PLCH2: variants seen among roughly 807,000 people sequenced by gnomAD.
PLCH2 encodes 1-phosphatidylinositol 4,5-bisphosphate phosphodiesterase eta-2.
In PLCH2, 98 loss-of-function variants were observed where a neutral mutation model predicts 134.7. The observed-to-expected ratio is 0.73, with a 90% CI of 0.62 to 0.86. The LOEUF (loss-of-function observed/expected upper bound fraction) is 0.86. PLCH2 is among the 40% of genes least tolerant of loss of function. PLCH2 has a pLI of 0.00. For synonymous variants in PLCH2, 974 were observed against 827.5 expected (o/e 1.18, Z -3.04); for missense variants, 1,994 against 1,986.6 (o/e 1.00, Z -0.07).
intron 12 of PLCH2, 29 bp downstream of exon 12, chr1:2,494,977 C>CT: frequency 6.8e-7 from 1 of 1,481,150 alleles, no homozygotes; most frequent in Non-Finnish European, 9.2e-7. Flanking sequence ...GCCAGGGTCC[C>CT]GGTCTGGGCC....
intron 2 of PLCH2, among the ~76,000 whole-genome samples, chr1:2,432,755 C>T (rs1009051216): frequency 1.3e-5 from 2 of 152,186 alleles, no homozygotes; most frequent in Admixed American, 6.5e-5. Flanking sequence ...GGTCAGAGCC[C>T]GCCGTGCAGG....
intron 2 of PLCH2, among the ~76,000 whole-genome samples, chr1:2,460,025 G>A (rs1286257724): frequency 6.6e-6 from 1 of 152,238 alleles, no homozygotes; most frequent in African/African-American, 2.4e-5. Flanking sequence ...CCTGGGCCAA[G>A]CGCTCTTCTG....
chr1:2,434,155 C>T (rs992000730), intron 2 of PLCH2, among the ~76,000 whole-genome samples: 1 of 152,252 alleles, frequency 6.6e-6, no homozygotes, highest in Non-Finnish European at 1.5e-5. Flanking sequence ...GAGGCTCCCA[C>T]CTTCAGCTTC....
chr1:2,436,322 CTCCTCCCTTCCTCCCTCCACCTT>C (rs1425907906), intron 2 of PLCH2, among the ~76,000 whole-genome samples: 4,311 of 22,174 alleles, frequency 0.19, 1,706 homozygotes, highest in East Asian at 0.37. Context: ...CCCTTCCTCC[CTCCTCCCTTCCTCCCTCCACCTT>C]TCCTCCCTTC....
In PLCH2 at chr1:2,478,491, G is replaced by A; in HGVS notation, c.140G>A (p.Gly47Asp). The change falls in exon 2 of 22, where the codon GGT (glycine) becomes GAT (aspartate). Residue 47 changes from glycine to aspartate, a missense_variant. Physicochemically the swap from Gly to Asp is moderately conservative, Grantham distance 94. Around this residue, in one of 2 missense-constraint regions of PLCH2, gnomAD observed 1,094 missense variants for 1,234.3 expected, o/e 0.89. Coordinates refer to ENST00000378486, the MANE Select transcript of PLCH2 (RefSeq NM_014638.4). Reference sequence around the variant, plus strand: ...CCGTGTCCAGTGGAGCGGTGCATGGGTGCCATGCAAGAGGGGATGCAGATG... The same window carrying A: ...CCGTGTCCAGTGGAGCGGTGCATGGATGCCATGCAAGAGGGGATGCAGATG... The part of the protein sequence containing the change: ...QLGPLVERCM[G>D]AMQEGMQMVK... The A allele has an allele frequency of 1.2e-6, 2 of 1,612,632 alleles. No homozygotes were observed. Among genetic ancestry groups the A allele is most frequent in the Non-Finnish European group, 8.5e-7 (1 of 1,179,628 alleles).
chr1:2,449,471 G>T (rs369681319), intron 2 of PLCH2, among the ~76,000 whole-genome samples: 4 of 151,774 alleles, frequency 2.6e-5, no homozygotes, highest in Non-Finnish European at 5.9e-5. Context: ...CTCCAGCCTG[G>T]GTGACATAGT....
At chr1:2,494,510 T>C in intron 11 of PLCH2, 3 of 398,280 alleles carry the variant, frequency 7.5e-6, no homozygotes, top group Non-Finnish European at 9.4e-6. Context: ...AACGCAGTTA[T>C]TACGTAGTCA....
At chr1:2,495,736 C>T (rs867646810) in intron 13 of PLCH2, among the ~76,000 whole-genome samples, 166 bp downstream of exon 13, 7 of 152,160 alleles carry the variant, frequency 4.6e-5, no homozygotes, top group African/African-American at 1.7e-4. Flanking sequence ...GTGTGCAGGG[C>T]AGGCTGGTGG....
rs753004606 is a variant in PLCH2, at chr1:2,504,922, C to T, written c.3960C>T (p.Ser1320=). 2.5e-6 allele frequency: 4 copies of T among 1,574,816 alleles called. No homozygotes were observed. The Admixed American group carries it at 7.2e-5, about 28-fold the overall frequency. Residue 1320 remains serine, a synonymous_variant, in exon 22 of 22, where the codon AGC becomes AGT. Transcript: ENST00000378486. ...QQAGDITSPT[S]LGPAGEGVAG... ...CAGGAGACATCACGTCACCCACCAG[C>T]CTGGGCCCGGCTGGGGAGGGGGTGG...
At position 2,476,538 on chromosome 1, in the gene PLCH2, G is replaced by A. The variant is rs1641629920; in HGVS notation, c.-51G>A. On this transcript the variant is annotated 5_prime_UTR_variant, in exon 1 of 22. Transcript: ENST00000378486. ...ACTGCCTGACCTCCGCTGCCCGAAGGCCGGTGGGCCTCTGTGGCCTCCGTG... is the reference window on the plus strand; with the variant it reads ...ACTGCCTGACCTCCGCTGCCCGAAGACCGGTGGGCCTCTGTGGCCTCCGTG... 7.0e-7 allele frequency: 1 copy of A among 1,438,344 alleles called. No homozygotes were observed. Among genetic ancestry groups the A allele is most frequent in the Non-Finnish European group, 9.1e-7 (1 of 1,099,698 alleles). The allele number at this position is 1,438,344 out of a possible 1,614,324, so 89.1% of individuals were successfully genotyped here.
upstream of PLCH2, among the ~76,000 whole-genome samples, chr1:2,463,136 G>T (rs1486496269): frequency 6.6e-6 from 1 of 152,204 alleles, no homozygotes; most frequent in Non-Finnish European, 1.5e-5. Flanking sequence ...AGGACGTTCT[G>T]TGCACGATGA....
At chr1:2,490,488 TCTC>T (rs1388905984) in intron 10 of PLCH2, among the ~76,000 whole-genome samples, 2 of 147,714 alleles carry the variant, frequency 1.4e-5, no homozygotes, top group Admixed American at 1.4e-4. Flanking sequence ...GGGGCGCCGA[TCTC>T]CTCTCCTCTG....
At chr1:2,468,813 G>C (rs1641193073) in intron 1 of PLCH2, among the ~76,000 whole-genome samples, 1 of 152,154 alleles carries the variant, frequency 6.6e-6, no homozygotes, top group Admixed American at 6.5e-5. Flanking sequence ...CCTCACACAA[G>C]GGACTGAGCC....
intron 2 of PLCH2, among the ~76,000 whole-genome samples, chr1:2,452,296 C>T (rs904083507): frequency 4.6e-5 from 7 of 152,224 alleles, no homozygotes; most frequent in Non-Finnish European, 8.8e-5. Context: ...TGCCGCCCCC[C>T]ATCCCCCGGC....
upstream of PLCH2, among the ~76,000 whole-genome samples, chr1:2,473,078 C>T (rs755007198): frequency 9.2e-5 from 14 of 152,200 alleles, no homozygotes; most frequent in East Asian, 3.9e-4. Context: ...GATCGATCTC[C>T]GCCATAAAAA....
intron 13 of PLCH2, among the ~76,000 whole-genome samples, chr1:2,496,038 C>T (rs1413345731): frequency 2.6e-5 from 4 of 152,110 alleles, no homozygotes; most frequent in African/African-American, 9.7e-5. Flanking sequence ...GAACTCCCAC[C>T]CCTCCCGGAC....
chr1:2,472,397 G>A (rs1308956587), upstream of PLCH2, among the ~76,000 whole-genome samples: 3 of 152,202 alleles, frequency 2.0e-5, no homozygotes, highest in Non-Finnish European at 2.9e-5. Context: ...ATGCTGGGCC[G>A]GCCCTTGGGG....
At chr1:2,424,803 C>T (rs1163700812), upstream of PLCH2, among the ~76,000 whole-genome samples, 50 of 152,126 alleles carry the variant, frequency 3.3e-4, no homozygotes, top group Admixed American at 6.5e-4. Context: ...CTGGCTAACA[C>T]AGTGAAACCC....
At chr1:2,469,693 T>C (rs1283179008) in intron 1 of PLCH2, among the ~76,000 whole-genome samples, 1 of 152,178 alleles carries the variant, frequency 6.6e-6, no homozygotes, top group African/African-American at 2.4e-5. Context: ...CGTGCCTGTT[T>C]CTTCCCGGGA....
Sources: allele counts gnomAD v4.1 joint callset (sites outside exome capture counted in the v4.1 genomes callset), GRCh38; gene constraint gnomAD v4.1.1; regional missense constraint gnomAD v4.1.1; transcripts MANE v1.5; gene names NCBI Gene and HGNC (gene_info 2026-07-23, HGNC 2026-07-21).